WRN: variants seen among roughly 807,000 people sequenced by gnomAD.
WRN encodes the protein bifunctional 3'-5' exonuclease/ATP-dependent helicase WRN.
A neutral mutation model predicts 180.7 loss-of-function variants in WRN; 149 were observed. The observed-to-expected ratio is 0.82, with a 90% CI of 0.72 to 0.94. The LOEUF (loss-of-function observed/expected upper bound fraction) is 0.94, where lower values mean the gene tolerates loss of function less well. Ranked by LOEUF, WRN falls within the 40% of genes least tolerant of loss-of-function variation. The pLI, the probability that WRN is intolerant of heterozygous loss-of-function variation, is 0.00. For synonymous variants in WRN, 548 were observed against 568.9 expected, an observed-to-expected ratio of 0.96 and a Z score of 0.52; for missense variants, 1,661 against 1,700.1, an observed-to-expected ratio of 0.98 and a Z score of 0.40.
intron 34 of WRN, chr8:31,171,422 A>T (rs1452526727): frequency 6.6e-6 from 1 of 152,190 alleles, no homozygotes. Flanking sequence ...CAAACATATG[A>T]AGAAAAGCTC....
chr8:31,100,754 G>T (rs1050700551), intron 17 of WRN, 95 bp from the exon 18 acceptor site: 1 of 1,019,328 alleles, frequency 9.8e-7, no homozygotes, highest in Non-Finnish European at 1.5e-6. Context: ...CAAATACTTT[G>T]ATTTGGTTAT....
intron 18 of WRN, among the ~76,000 whole-genome samples, chr8:31,110,811 C>T (rs938676011): frequency 1.3e-5 from 2 of 152,076 alleles, no homozygotes; most frequent in Non-Finnish European, 2.9e-5. Flanking sequence ...TAAGACAGTC[C>T]ACTTTTTCTG....
chr8:31,113,205 C>CAAA (rs11420804), intron 19 of WRN, among the ~76,000 whole-genome samples: 2 of 112,302 alleles, frequency 1.8e-5, no homozygotes, highest in East Asian at 2.4e-4. Context: ...GGCCCCGTTT[C>CAAA]AAAAAAAAAA....
At chr8:31,062,805 G>A (rs1812539147) in intron 3 of WRN, among the ~76,000 whole-genome samples, 1 of 152,024 alleles carries the variant, frequency 6.6e-6, no homozygotes, top group Non-Finnish European at 1.5e-5. Context: ...GTGCCCCTCT[G>A]AGATAACTTC....
chr8:31,077,002 T>C (rs2130099069), intron 8 of WRN, among the ~76,000 whole-genome samples: 1 of 152,256 alleles, frequency 6.6e-6, no homozygotes, highest in East Asian at 1.9e-4. Context: ...AATTAGAATG[T>C]GGTAATGTAA....
chr8:31,070,350 GT>G (rs978710601), intron 7 of WRN, among the ~76,000 whole-genome samples: 2 of 151,494 alleles, frequency 1.3e-5, no homozygotes, highest in African/African-American at 2.4e-5. Context: ...TTATTAGACT[GT>G]TTTTTTCTTC....
chr8:31,153,682 A>G (rs967023001), intron 31 of WRN, among the ~76,000 whole-genome samples: 2 of 152,194 alleles, frequency 1.3e-5, no homozygotes, highest in African/African-American at 4.8e-5. Flanking sequence ...TAGGCATCAT[A>G]TATATAGCAT....
intron 18 of WRN, among the ~76,000 whole-genome samples, chr8:31,108,723 A>T (rs905991511): frequency 6.6e-6 from 1 of 152,102 alleles, no homozygotes; most frequent in African/African-American, 2.4e-5. Context: ...AAAGGAGGCC[A>T]TGAGTTGTCT....
intron 16 of WRN, among the ~76,000 whole-genome samples, chr8:31,093,193 A>T (rs1442771497): frequency 6.6e-6 from 1 of 152,150 alleles, no homozygotes; most frequent in Non-Finnish European, 1.5e-5. Flanking sequence ...CCAGTTTTGG[A>T]TTATTACAAA....
Position 31,059,323 on chromosome 8 carries a change from A to C in WRN, c.209+58A>C. 7 of 1,402,656 alleles carry C rather than the reference A, an allele frequency of 5.0e-6. No homozygotes were observed. The East Asian group carries it at 1.6e-4, about 32-fold the overall frequency. 86.9% of individuals were successfully genotyped at this position (1,402,656 alleles called of 1,614,324 possible). On this transcript the variant is annotated intron_variant, in intron 3 of 34. Transcript: ENST00000298139. ...ATTTGGACCCTTAGAAGGTACTATTATGGTAATGTTTGTGAATATACTGAG... is the reference window on the plus strand; with the variant it reads ...ATTTGGACCCTTAGAAGGTACTATTCTGGTAATGTTTGTGAATATACTGAG...
intron 19 of WRN, among the ~76,000 whole-genome samples, chr8:31,115,122 C>CT (rs1453019271): frequency 2.0e-5 from 3 of 152,152 alleles, no homozygotes; most frequent in Non-Finnish European, 4.4e-5. Flanking sequence ...TCTCGAACTT[C>CT]TGAGCTCAGG....
intron 7 of WRN, among the ~76,000 whole-genome samples, chr8:31,072,490 T>A (rs983335291): frequency 2.6e-5 from 4 of 151,320 alleles, no homozygotes; most frequent in African/African-American, 9.7e-5. Flanking sequence ...AATAGAGGAG[T>A]AGGTTAGATC....
At position 31,109,790 on chromosome 8, in the gene WRN, T is replaced by C. The variant is rs1302768235; in HGVS notation, c.2089-1825T>C. Among the ~76,000 whole-genome samples, 4 of 152,148 alleles carry C rather than the reference T, an allele frequency of 2.6e-5. No homozygotes were observed. In the East Asian group the frequency reaches 5.8e-4, roughly 22 times the overall value. On this transcript the variant is annotated intron_variant, in intron 18 of 34. Coordinates refer to ENST00000298139, the MANE Select transcript of WRN (RefSeq NM_000553.6). The stretch of plus-strand genomic sequence containing the variant: ...AGAGAGTTAAATAAAGAGCTCAAAA[T>C]CTCACATCTAGTAAGTGGCAAAAAC...
At chr8:31,049,842 T>G (rs1011054047) in intron 1 of WRN, among the ~76,000 whole-genome samples, 1 of 152,088 alleles carries the variant, frequency 6.6e-6, no homozygotes, top group African/African-American at 2.4e-5. Flanking sequence ...CCAACTCATG[T>G]GTAATTATAG....
chr8:31,076,692 TC>T (rs1413228350), intron 8 of WRN, among the ~76,000 whole-genome samples: 2 of 152,334 alleles, frequency 1.3e-5, no homozygotes, highest in African/African-American at 4.8e-5. Context: ...TCACTTGAAA[TC>T]TATAGTGACC....
chr8:31,111,161 C>CAA (rs540923057), intron 18 of WRN, among the ~76,000 whole-genome samples: 1 of 145,520 alleles, frequency 6.9e-6, no homozygotes, highest in Non-Finnish European at 1.5e-5. Flanking sequence ...AATAGGAGGC[C>CAA]AAAAAAAAAC....
chr8:31,134,355 AC>A (rs1256468785), intron 24 of WRN, among the ~76,000 whole-genome samples: 2 of 152,224 alleles, frequency 1.3e-5, no homozygotes, highest in Non-Finnish European at 2.9e-5. Flanking sequence ...TAAATATATA[AC>A]ATAGTAGCAG....
At chr8:31,098,752 A>C (rs1457696459) in intron 17 of WRN, among the ~76,000 whole-genome samples, 1 of 152,186 alleles carries the variant, frequency 6.6e-6, no homozygotes, top group Non-Finnish European at 1.5e-5. Flanking sequence ...ATAGTTTTAT[A>C]GGGAGGCTCC....
In WRN at chr8:31,132,765, C is replaced by A. The variant is rs570351152; in HGVS notation, c.2967+259C>A. Among the ~76,000 whole-genome samples, 4 of 152,320 alleles carry A rather than the reference C, an allele frequency of 2.6e-5. No individual in the cohort carries two copies. The East Asian group carries it at 7.7e-4, about 29-fold the overall frequency. On this transcript the variant is annotated intron_variant, in intron 24 of 34. Transcript: ENST00000298139. ...GTCTGGAAGCATTGTGTTAATTTAT[C>A]ACATTGCATTTGGGTGAATCCCTAG...
Sources: allele counts gnomAD v4.1 joint callset (sites outside exome capture counted in the v4.1 genomes callset), GRCh38; gene constraint gnomAD v4.1.1; transcripts MANE v1.5; gene names NCBI Gene and HGNC (gene_info 2026-07-23, HGNC 2026-07-21).